Variants in GRIN2B observed in about 807,000 individuals in gnomAD.
GRIN2B encodes the protein glutamate receptor ionotropic, NMDA 2B.
Under a neutral mutation model 114.5 loss-of-function variants are expected in GRIN2B, and 5 were observed. That is an observed-to-expected ratio of 0.04 (90% confidence interval 0.02 to 0.09). The LOEUF is 0.09. Among genes scored for constraint, GRIN2B ranks in the 10% least tolerant of loss-of-function variants. The pLI is 1.00. For synonymous variants in GRIN2B, 787 were observed against 745.1 expected, an observed-to-expected ratio of 1.06 and a Z score of -0.92; for missense variants, 1,108 against 1,943.5, an observed-to-expected ratio of 0.57 and a Z score of 8.08.
chr12:13,724,487 C>T (rs938960994), intron 4 of GRIN2B, among the ~76,000 whole-genome samples: 1 of 152,026 alleles, frequency 6.6e-6, no homozygotes, highest in African/African-American at 2.4e-5. Context: ...TAATATACTC[C>T]TGGGTTGATG....
At chr12:13,885,216 G>C (rs1171374147) in intron 2 of GRIN2B, among the ~76,000 whole-genome samples, 1 of 152,152 alleles carries the variant, frequency 6.6e-6, no homozygotes, top group Non-Finnish European at 1.5e-5. Context: ...AATAAGTTCT[G>C]TGTATTTTAT....
intron 4 of GRIN2B, among the ~76,000 whole-genome samples, chr12:13,750,090 G>C (rs148134198): frequency 0.027 from 4,066 of 152,294 alleles, 68 homozygotes; most frequent in South Asian, 0.044. Flanking sequence ...TAAATCTGAA[G>C]ACACTTCTTA....
At chr12:13,962,794 G>A (rs937016888) in intron 2 of GRIN2B, among the ~76,000 whole-genome samples, 1 of 152,218 alleles carries the variant, frequency 6.6e-6, no homozygotes, top group Non-Finnish European at 1.5e-5. Context: ...CAGGGGGGCA[G>A]AGCAGCTGTC....
At chr12:13,956,192 A>T (rs1399605539) in intron 2 of GRIN2B, among the ~76,000 whole-genome samples, 1 of 152,182 alleles carries the variant, frequency 6.6e-6, no homozygotes, top group Non-Finnish European at 1.5e-5. Context: ...TCAAGTGTGC[A>T]CTAAGTGCAC....
At chr12:13,667,946 G>C (rs372650852) in intron 5 of GRIN2B, among the ~76,000 whole-genome samples, 47 of 152,166 alleles carry the variant, frequency 3.1e-4, no homozygotes, top group African/African-American at 8.7e-4. Flanking sequence ...TATAAACATA[G>C]AATTTTCTCA....
intron 6 of GRIN2B, 146 bp downstream of exon 6, chr12:13,616,309 G>C (rs1000670747): frequency 5.7e-6 from 4 of 700,414 alleles, no homozygotes; most frequent in Admixed American, 4.0e-5. Context: ...CCAGAGGGCT[G>C]CCAGTAATCC....
At chr12:13,865,530 G>A (rs2136746508) in intron 3 of GRIN2B, among the ~76,000 whole-genome samples, 1 of 152,260 alleles carries the variant, frequency 6.6e-6, no homozygotes, top group East Asian at 1.9e-4. Context: ...TACTCGGGAG[G>A]CTGAGGCAGG....
intron 4 of GRIN2B, among the ~76,000 whole-genome samples, chr12:13,728,118 T>A (rs1455221120): frequency 2.0e-5 from 3 of 152,210 alleles, no homozygotes; most frequent in Non-Finnish European, 2.9e-5. Context: ...ACAAAGCCAG[T>A]AACATGGTTG....
At chr12:13,567,347 C>A (rs977487223) in intron 12 of GRIN2B, 84 bp from the exon 13 acceptor site, 2 of 872,130 alleles carry the variant, frequency 2.3e-6, no homozygotes, top group Non-Finnish European at 3.8e-6. Flanking sequence ...GAGTATTGAG[C>A]AAGAAAGAGA....
chr12:13,593,015 A>G (rs1003476735), intron 10 of GRIN2B, among the ~76,000 whole-genome samples: 3 of 152,164 alleles, frequency 2.0e-5, no homozygotes, highest in African/African-American at 7.2e-5. Flanking sequence ...TTGCCTTGGG[A>G]ACTATTTTAA....
At chr12:13,600,522 T>C (rs564833189) in intron 10 of GRIN2B, among the ~76,000 whole-genome samples, 1 of 152,132 alleles carries the variant, frequency 6.6e-6, no homozygotes, top group African/African-American at 2.4e-5. Context: ...TGTGTGTACA[T>C]TTCTGTGTAA....
intron 4 of GRIN2B, among the ~76,000 whole-genome samples, chr12:13,722,468 T>C (rs11832003): frequency 0.034 from 5,102 of 152,168 alleles, 257 homozygotes; most frequent in African/African-American, 0.11. Flanking sequence ...CAGGGATTCT[T>C]CATCCACAGT....
At chr12:13,764,862 C>T (rs535828689) in intron 3 of GRIN2B, among the ~76,000 whole-genome samples, 45 of 152,334 alleles carry the variant, frequency 3.0e-4, no homozygotes, top group African/African-American at 1.0e-3. Flanking sequence ...CCCCCATCCT[C>T]GTCAGACTCT....
At chr12:13,601,591 G>T (rs1228302477) in intron 10 of GRIN2B, among the ~76,000 whole-genome samples, 2 of 151,784 alleles carry the variant, frequency 1.3e-5, no homozygotes, top group Non-Finnish European at 2.9e-5. Context: ...ATCTTTGGGA[G>T]GATACAATTC....
At chr12:13,649,663 A>T (rs1949796619) in intron 5 of GRIN2B, among the ~76,000 whole-genome samples, 1 of 152,076 alleles carries the variant, frequency 6.6e-6, no homozygotes, top group African/African-American at 2.4e-5. Flanking sequence ...GTTGATATTT[A>T]TATCAAGATA....
At chr12:13,718,412 G>A (rs1368995103) in intron 4 of GRIN2B, among the ~76,000 whole-genome samples, 4 of 151,954 alleles carry the variant, frequency 2.6e-5, no homozygotes, top group Admixed American at 1.3e-4. Flanking sequence ...CAAGTGCTGC[G>A]GAGGAAGTAC....
intron 4 of GRIN2B, among the ~76,000 whole-genome samples, chr12:13,736,037 C>T (rs947373071): frequency 6.6e-6 from 1 of 151,690 alleles, no homozygotes; most frequent in Admixed American, 6.6e-5. Context: ...TTGCTTTTCC[C>T]ACTTCTCACT....
chr12:13,716,129 T>C (rs1950453092), intron 4 of GRIN2B, among the ~76,000 whole-genome samples: 1 of 151,910 alleles, frequency 6.6e-6, no homozygotes, highest in South Asian at 2.1e-4. Context: ...GAAAACTCCT[T>C]GGGGATAAGA....
chr12:13,838,714 C>A (rs1268342404), intron 3 of GRIN2B, among the ~76,000 whole-genome samples: 1 of 152,170 alleles, frequency 6.6e-6, no homozygotes, highest in Non-Finnish European at 1.5e-5. Flanking sequence ...GAATTTCTAA[C>A]ATGGCCTGGA....
Sources: allele counts gnomAD v4.1 joint callset (sites outside exome capture counted in the v4.1 genomes callset), GRCh38; gene constraint gnomAD v4.1.1; transcripts MANE v1.5; gene names NCBI Gene and HGNC (gene_info 2026-07-23, HGNC 2026-07-21).